The following SLC12A7 variants were observed in gnomAD, a reference collection of about 807,000 sequenced individuals.
SLC12A7 encodes the protein solute carrier family 12 member 7.
Under a neutral mutation model 120.6 loss-of-function variants are expected in SLC12A7, and 100 were observed. That is an observed-to-expected ratio of 0.83 (90% CI 0.71 to 0.98). The LOEUF (loss-of-function observed/expected upper bound fraction) is 0.98, where lower values mean the gene tolerates loss of function less well. Among genes scored for constraint, SLC12A7 ranks in the 50% least tolerant of loss-of-function variants. SLC12A7 has a pLI of 0.00. For synonymous variants in SLC12A7, 760 were observed against 678.0 expected (o/e 1.12, Z -1.88); for missense variants, 1,373 against 1,548.1 (o/e 0.89, Z 1.90).
chr5:1,059,164 G>T (rs1033230588), intron 21 of SLC12A7, among the ~76,000 whole-genome samples: 1 of 152,254 alleles, frequency 6.6e-6, no homozygotes, highest in African/African-American at 2.4e-5. Context: ...CGGCTGCCCG[G>T]ACCCCCGTGG....
chr5:1,093,921 G>A (rs527369490), intron 2 of SLC12A7, among the ~76,000 whole-genome samples: 8 of 152,260 alleles, frequency 5.3e-5, no homozygotes, highest in East Asian at 1.9e-4. Context: ...CCGTGGGGCC[G>A]GAGCACCCTA....
the SLC12A7 span, among the ~76,000 whole-genome samples, chr5:1,154,169 C>T: frequency 6.6e-6 from 1 of 152,060 alleles, no homozygotes; most frequent in Non-Finnish European, 1.5e-5. Flanking sequence ...TCTCCACAGG[C>T]TTGTGTCCCT....
chr5:1,073,805 C>A lies in SLC12A7; in HGVS notation c.2073-4G>T. ...CAGCATCACCAGCACCTGGGGCCTG[C>A]AGCCAGGGTGGGGCGGCTGTTACCA... On this transcript the variant is annotated splice_polypyrimidine_tract_variant and splice_region_variant and intron_variant, in intron 16 of 23. Coordinates refer to ENST00000264930, the MANE Select transcript of SLC12A7 (RefSeq NM_006598.3). 1 of 1,409,166 alleles carries A rather than the reference C, an allele frequency of 7.1e-7. No individual in the cohort carries two copies. The highest frequency in any genetic ancestry group is 1.7e-5 in the South Asian group (1 of 57,760). 87.3% of individuals were successfully genotyped at this position (1,409,166 alleles called of 1,614,324 possible). A position where few individuals can be genotyped will look rare whatever the true frequency, so the allele number is the denominator to read the frequency against.
chr5:1,104,911 C>T (rs942122873), intron 1 of SLC12A7, among the ~76,000 whole-genome samples: 4 of 152,248 alleles, frequency 2.6e-5, no homozygotes, highest in Non-Finnish European at 4.4e-5. Flanking sequence ...CCTGCAACGG[C>T]AGCACACGCC....
In SLC12A7 at chr5:1,067,826, CCG is replaced by C. The variant is rs879379465; in HGVS notation, c.2242-2350_2242-2349del. 9.8e-3 allele frequency among the ~76,000 whole-genome samples: 1,460 copies of C among 148,796 alleles called. 16 individuals are homozygous for C. Among genetic ancestry groups the C allele is most frequent in the East Asian group, 0.042 (210 of 4,956 alleles). On this transcript the variant is annotated intron_variant, in intron 17 of 23. Coordinates refer to ENST00000264930, the MANE Select transcript of SLC12A7 (RefSeq NM_006598.3). ...GAGACCCTGTTATCACAAGTCAGCA[CCG>C]TGTCGGGGACCCTGTTATCACAAGT...
intron 11 of SLC12A7, 91 bp downstream of exon 11, chr5:1,078,610 C>T: frequency 1.9e-6 from 2 of 1,075,430 alleles, no homozygotes; most frequent in South Asian, 1.3e-5. Flanking sequence ...ACATGAAGTC[C>T]TAGGGCGATG....
Position 1,077,993 on chromosome 5 carries a change from A to G in SLC12A7, c.1469T>C (p.Leu490Pro), listed in dbSNP as rs903865108. The change falls in exon 12 of 24, where the codon CTG becomes CCG. Residue 490 changes from leucine to proline, a missense_variant. Transcript: ENST00000264930. ...VVLRDKFGEA[L>P]QGNLVIGMLA... ...CATGCCGATGACCAGGTTCCCCTGC[A>G]GGGCCTCCCCGAACCTGCAGGCAGG... The G allele has an allele frequency of 6.3e-7, 1 of 1,576,124 alleles. No homozygotes were observed. The highest frequency in any genetic ancestry group is 8.6e-7 in the Non-Finnish European group (1 of 1,162,196).
intron 3 of SLC12A7, 94 bp downstream of exon 3, chr5:1,093,439 G>A: frequency 2.3e-6 from 3 of 1,288,666 alleles, no homozygotes; most frequent in Non-Finnish European, 2.1e-6. Flanking sequence ...GCTCAGGGCA[G>A]CTCTTCTGAC....
At chr5:1,073,913 A>T (rs546886115) in intron 16 of SLC12A7, 112 bp from the exon 17 acceptor site, 2 of 1,080,592 alleles carry the variant, frequency 1.9e-6, no homozygotes, top group East Asian at 5.9e-5. Flanking sequence ...GGGACGGGAG[A>T]TACATGACAG....
At chr5:1,068,633 G>A (rs920758838) in intron 17 of SLC12A7, among the ~76,000 whole-genome samples, 8 of 152,350 alleles carry the variant, frequency 5.3e-5, no homozygotes, top group African/African-American at 9.6e-5. Context: ...CCAAAGGCTC[G>A]CTGAGAGCAG....
At chr5:1,058,999 T>C (rs1735913023) in intron 21 of SLC12A7, among the ~76,000 whole-genome samples, 2 of 152,222 alleles carry the variant, frequency 1.3e-5, no homozygotes, top group South Asian at 4.1e-4. Flanking sequence ...CAGCATTTGC[T>C]GACTCTCCAC....
At chr5:1,126,025 C>T in the SLC12A7 span, among the ~76,000 whole-genome samples, 1 of 151,124 alleles carries the variant, frequency 6.6e-6, no homozygotes, top group Non-Finnish European at 1.5e-5. Flanking sequence ...TAAGCTAATT[C>T]TTAGCAATAT....
rs1183857300 is a variant in SLC12A7 at position 1,083,785 on chromosome 5, T to G, written c.1089A>C (p.Glu363Asp). The change falls in exon 8 of 24, where the codon GAA (glutamate) becomes GAC (aspartate). Residue 363 changes from glutamate to aspartate, a missense_variant. By Grantham distance (45) the Glu-to-Asp change is conservative. Coordinates refer to ENST00000264930, the MANE Select transcript of SLC12A7 (RefSeq NM_006598.3). ...DEYFIQNNVT[E>D]IQGIPGAASG... ...TGGCCGCGCCCGGGATGCCCTGGAT[T>G]TCGGTGACGTTGTTCTGGATGAAGT... 6.2e-6 allele frequency: 10 copies of G among 1,612,470 alleles called. No homozygotes were observed. The Admixed American group carries it at 1.7e-4, about 27-fold the overall frequency.
intron 1 of SLC12A7, among the ~76,000 whole-genome samples, chr5:1,110,976 T>G (rs917814628): frequency 9.2e-5 from 14 of 152,216 alleles, no homozygotes; most frequent in Non-Finnish European, 1.8e-4. Context: ...GGCACCGGAC[T>G]TGTCCCTGGA....
In SLC12A7 at chr5:1,092,222, G is replaced by T. The variant is rs1452592537; in HGVS notation, c.342+1311C>A. ...GTAAAAGGAAGGAAAGAGACATCTT[G>T]AGCGGCCTGACTTCCCGACTGCTGT... On this transcript the variant is annotated intron_variant, in intron 3 of 23. Coordinates refer to ENST00000264930, the MANE Select transcript of SLC12A7 (RefSeq NM_006598.3). Among the ~76,000 whole-genome samples the T allele has an allele frequency of 2.0e-5, 3 of 152,280 alleles. No individual in the cohort carries two copies. In the East Asian group the frequency reaches 5.8e-4, roughly 29 times the overall value.
the SLC12A7 span, among the ~76,000 whole-genome samples, chr5:1,143,400 G>A: frequency 1.6e-4 from 24 of 152,328 alleles, no homozygotes; most frequent in Non-Finnish European, 1.5e-5. Flanking sequence ...TTCATGGCCC[G>A]CAGACGGTGG....
intron 17 of SLC12A7, among the ~76,000 whole-genome samples, chr5:1,066,338 C>A (rs1379294601): frequency 1.3e-5 from 2 of 152,150 alleles, no homozygotes; most frequent in Non-Finnish European, 2.9e-5. Context: ...TCACTGGCTT[C>A]TGGTTTGGAT....
intron 16 of SLC12A7, 115 bp downstream of exon 16, chr5:1,074,452 G>A: frequency 1.1e-6 from 1 of 949,482 alleles, no homozygotes; most frequent in Non-Finnish European, 1.6e-6. Flanking sequence ...CCCAGACCTT[G>A]CCTGAGCGGC....
At chr5:1,104,918 C>A (rs1038285114) in intron 1 of SLC12A7, among the ~76,000 whole-genome samples, 1 of 152,256 alleles carries the variant, frequency 6.6e-6, no homozygotes, top group Non-Finnish European at 1.5e-5. Flanking sequence ...CGGCAGCACA[C>A]GCCCCTCCCC....
Sources: allele counts gnomAD v4.1 joint callset (sites outside exome capture counted in the v4.1 genomes callset), GRCh38; gene constraint gnomAD v4.1.1; transcripts MANE v1.5; gene names NCBI Gene and HGNC (gene_info 2026-07-23, HGNC 2026-07-21).